BNC2: variants seen among roughly 807,000 people sequenced by gnomAD.
The protein encoded by BNC2 is basonuclin zinc finger protein 2.
In BNC2, 20 loss-of-function variants were observed where a neutral mutation model predicts 76.3. That is an observed-to-expected ratio of 0.26 (90% CI 0.18 to 0.38). BNC2 has a LOEUF of 0.38. Among genes scored for constraint, BNC2 ranks in the 10% least tolerant of loss-of-function variants. The pLI, the probability that BNC2 is intolerant of heterozygous loss-of-function variation, is 1.00. For synonymous variants in BNC2, 582 were observed against 514.8 expected (o/e 1.13, Z -1.77); for missense variants, 1,382 against 1,399.8 (o/e 0.99, Z 0.20).
At chr9:16,522,503 T>C in intron 5 of BNC2, among the ~76,000 whole-genome samples, 1 of 152,172 alleles carries the variant, frequency 6.6e-6, no homozygotes, top group Non-Finnish European at 1.5e-5. Context: ...AAGGCTGAAC[T>C]GGCAAAAGGA....
chr9:16,554,360 T>C lies in BNC2; in HGVS notation c.434-1595A>G, dbSNP rs143096178. Among the ~76,000 whole-genome samples the C allele has an allele frequency of 1.1e-4, 16 of 152,288 alleles. No individual in the cohort carries two copies. In the East Asian group the frequency reaches 2.5e-3, roughly 24 times the overall value. On this transcript the variant is annotated intron_variant, in intron 4 of 6. Coordinates refer to ENST00000380672, the MANE Select transcript of BNC2 (RefSeq NM_017637.6). Reference sequence around the variant, plus strand: ...AGAGAGTTCATGTACTCTTGATAAATTGCTTTCTTACATCCACAGTGTAAA... The same window carrying C: ...AGAGAGTTCATGTACTCTTGATAAACTGCTTTCTTACATCCACAGTGTAAA...
intron 6 of BNC2, among the ~76,000 whole-genome samples, 196 bp from the exon 7 acceptor site, chr9:16,419,845 A>C (rs1220106375): frequency 2.6e-5 from 4 of 152,200 alleles, no homozygotes; most frequent in African/African-American, 4.8e-5. Context: ...TGAGAGGTGC[A>C]ATCAGGGGAA....
At chr9:16,703,138 A>G (rs1349573907) in intron 3 of BNC2, among the ~76,000 whole-genome samples, 1 of 152,230 alleles carries the variant, frequency 6.6e-6, no homozygotes. Flanking sequence ...AACTTTTAAT[A>G]AATCAAATTG....
At chr9:16,833,083 A>G (rs539519637) in intron 1 of BNC2, among the ~76,000 whole-genome samples, 1 of 151,982 alleles carries the variant, frequency 6.6e-6, no homozygotes, top group South Asian at 2.1e-4. Flanking sequence ...AATTCACCCA[A>G]TGTTGCGTTT....
rs1357786041 is a variant in BNC2 at position 16,727,887 on chromosome 9, C to G, written c.240G>C (p.Gln80His). The G allele has an allele frequency of 6.2e-7, 1 of 1,614,196 alleles. No homozygotes were observed. Among genetic ancestry groups the G allele is most frequent in the East Asian group, 2.2e-5 (1 of 44,874 alleles). Residue 80 changes from glutamine to histidine, a missense_variant, in exon 3 of 7, where the codon CAG becomes CAC. Transcript: ENST00000380672. ...CAGCCGTAGTCGTTCTGGTTCCGAA[C>G]TGCATGGAGTTGTCAGTACAGGAGT... Reference protein sequence around the residue: ...LRDSCTDNSMQFGTRTTTAEP... With the variant: ...LRDSCTDNSMHFGTRTTTAEP...
At chr9:16,575,615 T>C (rs1819462040) in intron 4 of BNC2, among the ~76,000 whole-genome samples, 1 of 152,112 alleles carries the variant, frequency 6.6e-6, no homozygotes, top group African/African-American at 2.4e-5. Flanking sequence ...AACCTTTGCA[T>C]TTATGAGGAT....
At chr9:16,581,353 T>A (rs1819625375) in intron 4 of BNC2, among the ~76,000 whole-genome samples, 1 of 151,970 alleles carries the variant, frequency 6.6e-6, no homozygotes, top group East Asian at 1.9e-4. Context: ...AGGTCGGGAG[T>A]TCGAGACCAG....
chr9:16,723,262 G>C (rs190058832), intron 3 of BNC2, among the ~76,000 whole-genome samples: 1 of 152,134 alleles, frequency 6.6e-6, no homozygotes, highest in South Asian at 2.1e-4. Flanking sequence ...GCCTGGCAAT[G>C]AAAGTCGTTT....
At position 16,507,668 on chromosome 9, in the gene BNC2, C is replaced by T. The variant is rs1054005491; in HGVS notation, c.669+44862G>A. On this transcript the variant is annotated intron_variant, in intron 5 of 6. Transcript: ENST00000380672. ...GGTCTTGAACTCCTGACCTTGTGAT[C>T]CGCCTGCCTTGGCTTCCCAAAGTGC... Among the ~76,000 whole-genome samples the T allele has an allele frequency of 1.6e-4, 25 of 152,162 alleles. 1 individual carries two copies. The highest frequency in any genetic ancestry group is 3.1e-4 in the Non-Finnish European group (21 of 68,030).
chr9:16,686,833 C>G (rs140700868), intron 3 of BNC2, among the ~76,000 whole-genome samples: 2 of 152,174 alleles, frequency 1.3e-5, no homozygotes, highest in East Asian at 3.8e-4. Context: ...TCGGTCAACG[C>G]TTCAAACATT....
At chr9:16,718,522 T>G (rs968830900) in intron 3 of BNC2, among the ~76,000 whole-genome samples, 6 of 152,146 alleles carry the variant, frequency 3.9e-5, no homozygotes, top group Non-Finnish European at 8.8e-5. Context: ...CATCTGAAAT[T>G]TGAGTCAGAG....
intron 1 of BNC2, among the ~76,000 whole-genome samples, chr9:16,807,919 A>G (rs1817951179): frequency 1.3e-5 from 2 of 152,214 alleles, no homozygotes; most frequent in South Asian, 2.1e-4. Context: ...TTTGTAGAAT[A>G]AAAGAACATA....
chr9:16,764,447 A>G (rs142765644), intron 1 of BNC2, among the ~76,000 whole-genome samples: 99 of 152,290 alleles, frequency 6.5e-4, no homozygotes, highest in East Asian at 4.6e-3. Context: ...CTGGTAAGTA[A>G]CCCAACCTAA....
intron 1 of BNC2, among the ~76,000 whole-genome samples, chr9:16,833,150 C>A (rs936393117): frequency 2.0e-5 from 3 of 152,104 alleles, no homozygotes; most frequent in Non-Finnish European, 4.4e-5. Flanking sequence ...ATGCTTCCTA[C>A]AAATCCACCC....
intron 3 of BNC2, among the ~76,000 whole-genome samples, chr9:16,623,869 A>G (rs1820926089): frequency 6.6e-6 from 1 of 152,208 alleles, no homozygotes; most frequent in Non-Finnish European, 1.5e-5. Flanking sequence ...ATGTTACCTT[A>G]GAAACTGATG....
At chr9:16,549,771 A>C (rs2132498887) in intron 5 of BNC2, among the ~76,000 whole-genome samples, 1 of 152,250 alleles carries the variant, frequency 6.6e-6, no homozygotes, top group East Asian at 1.9e-4. Context: ...TTTTTTCCAA[A>C]CCGAGAACTG....
At chr9:16,564,830 T>C (rs1031444020) in intron 4 of BNC2, among the ~76,000 whole-genome samples, 2 of 152,166 alleles carry the variant, frequency 1.3e-5, no homozygotes, top group African/African-American at 4.8e-5. Context: ...TCTACTTTTT[T>C]CAATACATAA....
intron 1 of BNC2, among the ~76,000 whole-genome samples, chr9:16,859,317 C>A (rs771472874): frequency 5.9e-5 from 9 of 152,178 alleles, no homozygotes; most frequent in Admixed American, 2.0e-4. Context: ...TTAAGAACTA[C>A]TGTATGATCC....
chr9:16,434,791 C>A (rs566704651), intron 6 of BNC2: 166 of 455,158 alleles, frequency 3.6e-4, no homozygotes, highest in African/African-American at 3.1e-3. Flanking sequence ...ATAATATATT[C>A]GTGCTGATCC....
Sources: allele counts gnomAD v4.1 joint callset (sites outside exome capture counted in the v4.1 genomes callset), GRCh38; gene constraint gnomAD v4.1.1; transcripts MANE v1.5; gene names NCBI Gene and HGNC (gene_info 2026-07-23, HGNC 2026-07-21).